TMTC1: variants seen among roughly 807,000 people sequenced by gnomAD.
The protein encoded by TMTC1 is transmembrane O-mannosyltransferase targeting cadherins 1.
A neutral mutation model predicts 104.8 loss-of-function variants in TMTC1; 73 were observed. The observed-to-expected ratio is 0.70, with a 90% confidence interval of 0.58 to 0.85. TMTC1 has a LOEUF of 0.85. Among genes scored for constraint, TMTC1 ranks in the 40% least tolerant of loss-of-function variants. TMTC1 has a pLI of 0.00. For synonymous variants in TMTC1, 434 were observed against 428.7 expected (o/e 1.01, Z -0.15); for missense variants, 1,035 against 1,096.1 (o/e 0.94, Z 0.79).
chr12:29,684,084 T>C (rs1010714273), intron 5 of TMTC1, among the ~76,000 whole-genome samples: 5 of 152,158 alleles, frequency 3.3e-5, no homozygotes, highest in Admixed American at 6.5e-5. Flanking sequence ...GTTCAAGCAA[T>C]CCGCCTGCCT....
chr12:29,529,278 T>C (rs1944432885), intron 11 of TMTC1, among the ~76,000 whole-genome samples: 1 of 152,108 alleles, frequency 6.6e-6, no homozygotes, highest in South Asian at 2.1e-4. Flanking sequence ...GATTAACAGA[T>C]GGCCTGTAAC....
At chr12:29,549,075 A>T (rs1249648013) in intron 10 of TMTC1, among the ~76,000 whole-genome samples, 1 of 147,858 alleles carries the variant, frequency 6.8e-6, no homozygotes, top group African/African-American at 2.5e-5. Flanking sequence ...CCCAAGAAAA[A>T]TGAACATACA....
At chr12:29,617,636 T>A (rs533335184) in intron 6 of TMTC1, among the ~76,000 whole-genome samples, 2 of 150,638 alleles carry the variant, frequency 1.3e-5, no homozygotes, top group East Asian at 3.9e-4. Context: ...TCAGTGAGGC[T>A]GGTAAGGGGT....
At chr12:29,608,543 A>C (rs868433794) in intron 6 of TMTC1, among the ~76,000 whole-genome samples, 6 of 152,214 alleles carry the variant, frequency 3.9e-5, no homozygotes, top group Admixed American at 1.3e-4. Flanking sequence ...TACTTCTCTG[A>C]GCTTTAATTT....
chr12:29,607,051 G>C lies in TMTC1; in HGVS notation c.1129-2752C>G, dbSNP rs56178040. ...GATTGCTGTTGGGGATGCGGAGATG[G>C]GGGGAGAGTCAAGGAGCGATCAGCC... is the stretch of plus-strand genomic sequence containing the variant. On this transcript the variant is annotated intron_variant, in intron 6 of 17. Transcript: ENST00000539277. 1.4e-4 allele frequency among the ~76,000 whole-genome samples: 21 copies of C among 152,100 alleles called. No homozygotes were observed. The East Asian group carries it at 2.9e-3, about 21-fold the overall frequency.
chr12:29,612,775 A>G (rs1946878172), intron 6 of TMTC1, among the ~76,000 whole-genome samples: 1 of 152,220 alleles, frequency 6.6e-6, no homozygotes. Flanking sequence ...TCCTCTGATC[A>G]CAGTGGGATA....
intron 5 of TMTC1, among the ~76,000 whole-genome samples, chr12:29,671,297 C>A (rs1319693170): frequency 9.4e-6 from 1 of 106,126 alleles, no homozygotes; most frequent in Non-Finnish European, 2.0e-5. Context: ...GAGACTCCAT[C>A]TTAAATAAAT....
At chr12:29,611,610 T>C (rs548892180) in intron 6 of TMTC1, among the ~76,000 whole-genome samples, 12 of 152,296 alleles carry the variant, frequency 7.9e-5, no homozygotes, top group African/African-American at 2.2e-4. Context: ...TATGATGACA[T>C]AGAAAAAGTT....
chr12:29,702,839 T>C (rs1018082558), intron 5 of TMTC1, among the ~76,000 whole-genome samples: 1 of 152,104 alleles, frequency 6.6e-6, no homozygotes, highest in Non-Finnish European at 1.5e-5. Flanking sequence ...CGATATTTTC[T>C]AATTTATAAA....
intron 5 of TMTC1, among the ~76,000 whole-genome samples, chr12:29,711,824 T>G (rs900010588): frequency 6.6e-6 from 1 of 151,698 alleles, no homozygotes; most frequent in African/African-American, 2.4e-5. Context: ...GCTAACACAG[T>G]GAAACCCCGT....
At chr12:29,743,638 C>T (rs916346131) in intron 5 of TMTC1, among the ~76,000 whole-genome samples, 1 of 152,006 alleles carries the variant, frequency 6.6e-6, no homozygotes, top group African/African-American at 2.4e-5. Flanking sequence ...CCTGGAAAGC[C>T]CACCAAATTA....
intron 4 of TMTC1, 62 bp downstream of exon 4, chr12:29,755,647 A>T (rs1592015965): frequency 1.4e-6 from 2 of 1,431,712 alleles, no homozygotes; most frequent in South Asian, 2.6e-5. Flanking sequence ...TTTGGAAACT[A>T]TTAAGTAATT....
intron 5 of TMTC1, among the ~76,000 whole-genome samples, chr12:29,689,954 C>A (rs1380273370): frequency 6.6e-6 from 1 of 152,176 alleles, no homozygotes; most frequent in East Asian, 1.9e-4. Context: ...GCATATTTGA[C>A]CAAGCCCTGT....
rs147159765 is a variant in TMTC1, at chr12:29,714,861, C to G, written c.938+36805G>C. ...CTGGAGTACATGCATCAGGGCCACA[C>G]AAAGACTTTCCAGAACGAATCTGCC... On this transcript the variant is annotated intron_variant, in intron 5 of 17. Coordinates refer to ENST00000539277, the MANE Select transcript of TMTC1 (RefSeq NM_001193451.2). Among the ~76,000 whole-genome samples, 37 of 152,340 alleles carry G rather than the reference C, an allele frequency of 2.4e-4. No individual in the cohort carries two copies. In the East Asian group the frequency reaches 6.4e-3, roughly 26 times the overall value.
chr12:29,729,262 T>G (rs963773383), intron 5 of TMTC1, among the ~76,000 whole-genome samples: 17 of 151,840 alleles, frequency 1.1e-4, no homozygotes, highest in Admixed American at 2.0e-4. Flanking sequence ...ATCTGCTAAC[T>G]CCACTGTCTC....
At chr12:29,680,915 T>C (rs1403421708) in intron 5 of TMTC1, among the ~76,000 whole-genome samples, 1 of 151,970 alleles carries the variant, frequency 6.6e-6, no homozygotes, top group South Asian at 2.1e-4. Flanking sequence ...CTGGCCAACA[T>C]GGTGAAACCC....
rs180899147 is a variant in TMTC1 at position 29,555,452 on chromosome 12, C to G, written c.1676+1405G>C. On this transcript the variant is annotated intron_variant, in intron 10 of 17. Transcript: ENST00000539277. ...AACCCGTCATCTACATTAGGTATTTCTCCTAATGCTATCCCTCCTCTTGCC... is the reference window on the plus strand; with the variant it reads ...AACCCGTCATCTACATTAGGTATTTGTCCTAATGCTATCCCTCCTCTTGCC... 6.0e-3 allele frequency among the ~76,000 whole-genome samples: 916 copies of G among 152,034 alleles called. 4 individuals are homozygous for G. The highest frequency in any genetic ancestry group is 7.9e-3 in the Non-Finnish European group (538 of 67,996).
At chr12:29,582,910 A>G (rs1344860207) in intron 8 of TMTC1, among the ~76,000 whole-genome samples, 1 of 152,012 alleles carries the variant, frequency 6.6e-6, no homozygotes, top group East Asian at 1.9e-4. Context: ...AGTGAGGCTG[A>G]CTAAGCCCCA....
At position 29,604,055 on chromosome 12, in the gene TMTC1, A is replaced by G. The variant is rs78720341; in HGVS notation, c.1250+123T>C. The G allele has an allele frequency of 1.0e-2, 13,091 of 1,315,006 alleles. 985 individuals are homozygous for G. The African/African-American group carries it at 0.17, about 17-fold the overall frequency. 81.5% of individuals were successfully genotyped at this position (1,315,006 alleles called of 1,614,324 possible). A position where few individuals can be genotyped will look rare whatever the true frequency, so the allele number is the denominator to read the frequency against. ...CTGTGTGGCTGTTTTTAAAGCTGAA[A>G]TAATAATATCCCTTGTCCCATGAGG... On this transcript the variant is annotated intron_variant, in intron 7 of 17. Transcript: ENST00000539277.
Sources: gnomAD v4.1 joint callset for allele counts (sites outside exome capture counted in the v4.1 genomes callset) on GRCh38, gnomAD v4.1.1 for gene constraint, MANE v1.5 for transcripts, NCBI Gene and HGNC (gene_info 2026-07-23, HGNC 2026-07-21) for gene names.